RSRC1: variants seen among roughly 807,000 people sequenced by gnomAD.
RSRC1 encodes arginine and serine rich coiled-coil 1.
In RSRC1, 39 loss-of-function variants were observed where a neutral mutation model predicts 49.1. The ratio of observed to expected loss-of-function variants is 0.79; its 90% CI spans 0.61 to 1.04. The LOEUF (loss-of-function observed/expected upper bound fraction) is 1.04. RSRC1 is among the 50% of genes least tolerant of loss of function. The pLI, the probability that RSRC1 is intolerant of heterozygous loss-of-function variation, is 0.00. For synonymous variants in RSRC1, 143 were observed against 130.8 expected, an observed-to-expected ratio of 1.09 and a Z score of -0.63; for missense variants, 388 against 402.4, an observed-to-expected ratio of 0.96 and a Z score of 0.31.
At chr3:158,224,813 A>C (rs983403763) in intron 4 of RSRC1, among the ~76,000 whole-genome samples, 26 of 152,002 alleles carry the variant, frequency 1.7e-4, no homozygotes, top group African/African-American at 5.8e-4. Flanking sequence ...CAAGCTATGA[A>C]ATGTATGGTC....
chr3:158,280,966 A>G (rs1293300632), intron 4 of RSRC1, among the ~76,000 whole-genome samples: 1 of 152,098 alleles, frequency 6.6e-6, no homozygotes, highest in Admixed American at 6.6e-5. Context: ...TCATTTTTAT[A>G]AGATTAGACT....
At chr3:158,117,149 T>C (rs1714889935) in intron 1 of RSRC1, among the ~76,000 whole-genome samples, 1 of 152,228 alleles carries the variant, frequency 6.6e-6, no homozygotes, top group African/African-American at 2.4e-5. Flanking sequence ...TGAAAACCCA[T>C]ATGCCTTTTA....
chr3:158,123,770 A>T, intron 2 of RSRC1, 96 bp from the exon 3 acceptor site: 3 of 1,196,498 alleles, frequency 2.5e-6, no homozygotes, highest in South Asian at 3.0e-5. Flanking sequence ...GTGAGACAGT[A>T]AAAATCAGAT....
rs1381076609 is a variant in RSRC1 at position 158,290,236 on chromosome 3, A to G, written c.495-7803A>G. Among the ~76,000 whole-genome samples the G allele has an allele frequency of 5.9e-5, 9 of 151,426 alleles. No homozygotes were observed. The East Asian group carries it at 1.7e-3, about 29-fold the overall frequency. ...TATAACTGAACAAAGACCATTAGTAAATAGTAGAGCTGAAATTAGAACTCA... is the reference window on the plus strand; with the variant it reads ...TATAACTGAACAAAGACCATTAGTAGATAGTAGAGCTGAAATTAGAACTCA... On this transcript the variant is annotated intron_variant, in intron 4 of 9. Transcript: ENST00000611884.
chr3:158,369,516 T>C (rs1325812534), intron 6 of RSRC1, among the ~76,000 whole-genome samples: 1 of 152,172 alleles, frequency 6.6e-6, no homozygotes, highest in Non-Finnish European at 1.5e-5. Context: ...GTGGAACTAA[T>C]AGGATCACTC....
intron 6 of RSRC1, among the ~76,000 whole-genome samples, chr3:158,367,847 T>A (rs888993205): frequency 3.3e-5 from 5 of 152,204 alleles, no homozygotes; most frequent in African/African-American, 1.2e-4. Flanking sequence ...AAATTCCTAA[T>A]GTTAATTTAA....
intron 2 of RSRC1, among the ~76,000 whole-genome samples, chr3:158,123,434 G>T (rs543484598): frequency 4.6e-5 from 7 of 152,290 alleles, no homozygotes; most frequent in African/African-American, 1.7e-4. Flanking sequence ...AGTACTAGAG[G>T]CATGTGCCAC....
intron 3 of RSRC1, among the ~76,000 whole-genome samples, chr3:158,175,288 G>A (rs1019631458): frequency 6.6e-6 from 1 of 151,842 alleles, no homozygotes. Flanking sequence ...TTACTCTAAT[G>A]ATGGTGTCAT....
At chr3:158,201,382 G>C (rs561960890) in intron 3 of RSRC1, among the ~76,000 whole-genome samples, 1 of 152,084 alleles carries the variant, frequency 6.6e-6, no homozygotes, top group Admixed American at 6.5e-5. Flanking sequence ...TTCTAATATA[G>C]AATCTGTAAA....
intron 3 of RSRC1, among the ~76,000 whole-genome samples, chr3:158,182,282 A>T (rs1456836882): frequency 6.6e-6 from 1 of 152,294 alleles, no homozygotes; most frequent in East Asian, 1.9e-4. Context: ...TAAATTTTTC[A>T]AGTTAATTAC....
At chr3:158,318,850 T>G (rs1224289984) in intron 5 of RSRC1, among the ~76,000 whole-genome samples, 2 of 152,206 alleles carry the variant, frequency 1.3e-5, no homozygotes, top group Non-Finnish European at 2.9e-5. Context: ...TTAAGAAGAT[T>G]ATAGTGAAAG....
intron 6 of RSRC1, among the ~76,000 whole-genome samples, chr3:158,405,905 T>A (rs1734140232): frequency 6.6e-6 from 1 of 152,128 alleles, no homozygotes; most frequent in Non-Finnish European, 1.5e-5. Context: ...ATTCTTAAAA[T>A]TCTCAAAATT....
Position 158,122,185 on chromosome 3 carries a change from C to G in RSRC1, c.81C>G (p.Ser27Arg). 6.2e-7 allele frequency: 1 copy of G among 1,605,278 alleles called. No individual in the cohort carries two copies. Among genetic ancestry groups the G allele is most frequent in the Non-Finnish European group, 8.5e-7 (1 of 1,175,030 alleles). The change falls in exon 2 of 10, where the codon AGC becomes AGG. Residue 27 changes from serine to arginine, a missense_variant. By Grantham distance (110) the Ser-to-Arg change is moderately radical. Transcript: ENST00000611884. ...AACACCGTAGACGGTCCTCCTCGAG[C>G]AGTTCTTCAGATAGTAGAACATACA... ...KKKHRRRSSS[S>R]SSSDSRTYSR...
intron 7 of RSRC1, among the ~76,000 whole-genome samples, chr3:158,479,264 T>C (rs1196192150): frequency 6.7e-6 from 1 of 148,508 alleles, no homozygotes; most frequent in African/African-American, 2.4e-5. Context: ...AAATATAATA[T>C]AAAATATAAA....
At chr3:158,354,000 T>TTTC (rs1553791548) in intron 5 of RSRC1, among the ~76,000 whole-genome samples, 2 of 140,094 alleles carry the variant, frequency 1.4e-5, no homozygotes, top group South Asian at 2.4e-4. Flanking sequence ...TTTTTCTTTT[T>TTTC]TTTTTTTTTT....
rs1727649540 is a variant in RSRC1 at position 158,303,007 on chromosome 3, A to C, written c.531+4932A>C. The C allele has an allele frequency of 2.0e-5, 3 of 152,156 alleles. No individual in the cohort carries two copies. In the South Asian group the frequency reaches 6.2e-4, roughly 32 times the overall value. 9.4% of individuals were successfully genotyped at this position (152,156 alleles called of 1,614,324 possible). A position where few individuals can be genotyped will look rare whatever the true frequency, so the allele number is the denominator to read the frequency against. The stretch of plus-strand genomic sequence containing the variant: ...CCATTATGTTTTAAAGTTCTGGATA[A>C]TGTAGTGAGTAGTGACACTTATTGG... On this transcript the variant is annotated intron_variant, in intron 5 of 9. Coordinates refer to ENST00000611884, the MANE Select transcript of RSRC1 (RefSeq NM_001271838.2).
At chr3:158,268,536 A>G (rs1559969395) in intron 4 of RSRC1, among the ~76,000 whole-genome samples, 1 of 152,230 alleles carries the variant, frequency 6.6e-6, no homozygotes, top group African/African-American at 2.4e-5. Flanking sequence ...TTCTGCAGCC[A>G]TAGCCATAGG....
At chr3:158,460,139 CTT>C (rs1320237009) in intron 6 of RSRC1, among the ~76,000 whole-genome samples, 1 of 151,832 alleles carries the variant, frequency 6.6e-6, no homozygotes, top group East Asian at 1.9e-4. Context: ...ACTTTTTTAA[CTT>C]AATATTTCAT....
intron 4 of RSRC1, among the ~76,000 whole-genome samples, chr3:158,278,308 C>G (rs1239760442): frequency 1.3e-5 from 2 of 152,180 alleles, no homozygotes; most frequent in African/African-American, 4.8e-5. Flanking sequence ...TTTTCGTAGA[C>G]TTACATTTTC....
Sources: allele counts gnomAD v4.1 joint callset (sites outside exome capture counted in the v4.1 genomes callset), GRCh38; gene constraint gnomAD v4.1.1; transcripts MANE v1.5; gene names NCBI Gene and HGNC (gene_info 2026-07-23, HGNC 2026-07-21).